The following TMEM232 variants were observed in gnomAD, a reference collection of about 807,000 sequenced individuals.
TMEM232 encodes the protein transmembrane protein 232.
A neutral mutation model predicts 78.8 loss-of-function variants in TMEM232; 80 were observed. The ratio of observed to expected loss-of-function variants is 1.01; its 90% CI spans 0.85 to 1.22. The LOEUF is 1.22. Among genes scored for constraint, TMEM232 ranks in the 50% most tolerant of loss-of-function variants. TMEM232 has a pLI of 0.00. For missense variants in TMEM232, 881 were observed against 742.2 expected (o/e 1.19, Z -2.17); for synonymous variants, 297 against 254.3 (o/e 1.17, Z -1.60).
intron 12 of TMEM232, among the ~76,000 whole-genome samples, chr5:110,439,506 C>T (rs1202664349): frequency 1.3e-5 from 2 of 151,886 alleles, no homozygotes; most frequent in Non-Finnish European, 2.9e-5. Flanking sequence ...AGGGCAGGCT[C>T]CAGGGTCCTT....
chr5:110,672,696 T>G (rs559618981), intron 1 of TMEM232, among the ~76,000 whole-genome samples: 3 of 152,048 alleles, frequency 2.0e-5, no homozygotes, highest in African/African-American at 4.8e-5. Flanking sequence ...AAAATAAACA[T>G]AGAGAATCTG....
chr5:110,728,935 AG>A, upstream of TMEM232, among the ~76,000 whole-genome samples: 1 of 150,376 alleles, frequency 6.6e-6, no homozygotes, highest in East Asian at 2.0e-4. Context: ...CCCAGGCTGG[AG>A]TGCAATGGAG....
intron 2 of TMEM232, among the ~76,000 whole-genome samples, chr5:110,732,417 C>T: frequency 6.6e-6 from 1 of 152,152 alleles, no homozygotes; most frequent in African/African-American, 2.4e-5. Flanking sequence ...TAAAGACATA[C>T]CCAAAACTGG....
intron 1 of TMEM232, among the ~76,000 whole-genome samples, chr5:110,715,712 G>C (rs1362513022): frequency 6.6e-6 from 1 of 151,852 alleles, no homozygotes; most frequent in African/African-American, 2.4e-5. Flanking sequence ...TAAAAGACTG[G>C]TTCAGGCCAT....
rs1405536361 is a variant in TMEM232 at position 110,605,104 on chromosome 5, C to T, written c.1276+5G>A. 1.3e-6 allele frequency: 2 copies of T among 1,535,182 alleles called. No homozygotes were observed. The highest frequency in any genetic ancestry group is 2.8e-5 in the African/African-American group (2 of 72,094). Reference sequence around the variant, plus strand: ...ACTCATCAAAGTAAAAAACAATCTACTTACAGTTCTCTGACATTTTTGAAG... The same window carrying T: ...ACTCATCAAAGTAAAAAACAATCTATTTACAGTTCTCTGACATTTTTGAAG... On this transcript the variant is annotated splice_donor_5th_base_variant and intron_variant, in intron 10 of 13. Coordinates refer to ENST00000455884, the MANE Select transcript of TMEM232 (RefSeq NM_001039763.4).
chr5:110,617,493 C>A (rs542747619), intron 8 of TMEM232, among the ~76,000 whole-genome samples: 60 of 152,190 alleles, frequency 3.9e-4, no homozygotes, highest in Non-Finnish European at 7.9e-4. Context: ...ACTCATTCCA[C>A]AAGATATACA....
chr5:110,522,166 T>C (rs567621346), intron 12 of TMEM232, among the ~76,000 whole-genome samples: 32 of 152,308 alleles, frequency 2.1e-4, no homozygotes, highest in Non-Finnish European at 2.9e-5. Context: ...CCAAGTATTT[T>C]ATTCTTTTTC....
Position 110,509,134 on chromosome 5 carries a change from TA to T in TMEM232, c.1703+19453del, listed in dbSNP as rs1177637529. On this transcript the variant is annotated intron_variant, in intron 12 of 13. Coordinates refer to ENST00000455884, the MANE Select transcript of TMEM232 (RefSeq NM_001039763.4). ...GCAAAAATAATTCATAAATCTTATT[TA>T]AAAAAATTTTTTTGGCTGGTCATGG... is the stretch of plus-strand genomic sequence containing the variant. 8.6e-5 allele frequency among the ~76,000 whole-genome samples: 13 copies of T among 150,766 alleles called. No homozygotes were observed. In the South Asian group the frequency reaches 1.0e-3, roughly 12 times the overall value.
At chr5:110,537,503 CA>C (rs1195065951) in intron 11 of TMEM232, among the ~76,000 whole-genome samples, 1 of 152,140 alleles carries the variant, frequency 6.6e-6, no homozygotes, top group Non-Finnish European at 1.5e-5. Context: ...ACCAGCCCCC[CA>C]AGGGAAAGTC....
rs1554069154 is a variant in TMEM232, at chr5:110,652,294, G to GCGCGCGCGCACACACACACACA, written c.126-9924_126-9923insTGTGTGTGTGTGTGCGCGCGCG. Among the ~76,000 whole-genome samples, 285 of 145,444 alleles carry GCGCGCGCGCACACACACACACA rather than the reference G, an allele frequency of 2.0e-3. 1 individual carries two copies. The highest frequency in any genetic ancestry group is 7.1e-3 in the African/African-American group (278 of 38,916). On this transcript the variant is annotated intron_variant, in intron 2 of 13. Coordinates refer to ENST00000455884, the MANE Select transcript of TMEM232 (RefSeq NM_001039763.4). ...CAAGCACACAAAAGTGCACGCGCGC[G>GCGCGCGCGCACACACACACACA]CACACACACACACACACACACACAC...
chr5:110,661,550 A>C (rs1789799988), intron 2 of TMEM232, among the ~76,000 whole-genome samples: 1 of 152,100 alleles, frequency 6.6e-6, no homozygotes, highest in Non-Finnish European at 1.5e-5. Flanking sequence ...GGGCTCAAGC[A>C]ATCCACTCAA....
intron 12 of TMEM232, among the ~76,000 whole-genome samples, chr5:110,482,215 T>C (rs998347502): frequency 5.9e-5 from 9 of 152,098 alleles, no homozygotes; most frequent in Middle Eastern, 3.4e-3. Flanking sequence ...CCCAGAAATA[T>C]AAAGTAACCT....
At chr5:110,700,149 G>T (rs1224525976) in intron 1 of TMEM232, among the ~76,000 whole-genome samples, 1 of 151,972 alleles carries the variant, frequency 6.6e-6, no homozygotes, top group African/African-American at 2.4e-5. Flanking sequence ...TAATTCCCCA[G>T]GTATTTTCTA....
At chr5:110,629,452 ACC>A (rs1784838290) in intron 5 of TMEM232, among the ~76,000 whole-genome samples, 24 of 152,208 alleles carry the variant, frequency 1.6e-4, no homozygotes, top group Admixed American at 1.2e-3. Context: ...TGACAAATCT[ACC>A]TTTCCATATT....
At chr5:110,616,952 A>G (rs1332422192) in intron 8 of TMEM232, among the ~76,000 whole-genome samples, 2 of 152,206 alleles carry the variant, frequency 1.3e-5, no homozygotes, top group African/African-American at 2.4e-5. Flanking sequence ...AAGTGAAATC[A>G]GTATGTTGAA....
intron 2 of TMEM232, among the ~76,000 whole-genome samples, chr5:110,398,480 T>G (rs1580552025): frequency 6.6e-6 from 1 of 152,138 alleles, no homozygotes; most frequent in South Asian, 2.1e-4. Flanking sequence ...CTATGGTTGG[T>G]GCCACAGAAC....
intron 12 of TMEM232, among the ~76,000 whole-genome samples, chr5:110,431,508 T>C (rs534845368): frequency 5.3e-5 from 8 of 151,448 alleles, no homozygotes; most frequent in Non-Finnish European, 1.5e-5. Context: ...GAACCAGGAG[T>C]CTTTGTCATT....
chr5:110,401,747 T>C (rs1755607496), intron 2 of TMEM232, among the ~76,000 whole-genome samples: 1 of 152,074 alleles, frequency 6.6e-6, no homozygotes. Context: ...TTTAATTGAA[T>C]TAACTGCCAA....
chr5:110,524,497 T>C (rs925397104), intron 12 of TMEM232, among the ~76,000 whole-genome samples: 1 of 152,060 alleles, frequency 6.6e-6, no homozygotes, highest in African/African-American at 2.4e-5. Flanking sequence ...GTGAATGTTT[T>C]TGATTGGAAG....
Sources: gnomAD v4.1 joint callset for allele counts (sites outside exome capture counted in the v4.1 genomes callset) on GRCh38, gnomAD v4.1.1 for gene constraint, MANE v1.5 for transcripts, NCBI Gene and HGNC (gene_info 2026-07-23, HGNC 2026-07-21) for gene names.